Variants in DNAJC3 observed in about 807,000 individuals in gnomAD.
DNAJC3 encodes the protein dnaJ homolog subfamily C member 3.
DNAJC3 carries 38 observed loss-of-function variants against 68.6 expected under a neutral mutation model. That is an observed-to-expected ratio of 0.55 (90% CI 0.43 to 0.73). The LOEUF (loss-of-function observed/expected upper bound fraction) is 0.73. Among genes scored for constraint, DNAJC3 ranks in the 30% least tolerant of loss-of-function variants. DNAJC3 has a pLI of 0.00. For synonymous variants in DNAJC3, 203 were observed against 204.0 expected (o/e 1.00, Z 0.04); for missense variants, 526 against 591.9 (o/e 0.89, Z 1.16).
chr13:95,770,262 A>G (rs1037743917), intron 9 of DNAJC3, among the ~76,000 whole-genome samples: 1 of 152,132 alleles, frequency 6.6e-6, no homozygotes, highest in African/African-American at 2.4e-5. Flanking sequence ...TCTTTAAGAA[A>G]GGAAAAAAAA....
intron 2 of DNAJC3, among the ~76,000 whole-genome samples, chr13:95,710,473 C>T (rs1880920716): frequency 6.6e-6 from 1 of 152,086 alleles, no homozygotes; most frequent in African/African-American, 2.4e-5. Flanking sequence ...TCAAGCAGTC[C>T]TCCTGCCTTG....
intron 1 of DNAJC3, among the ~76,000 whole-genome samples, chr13:95,690,794 A>C (rs1181400754): frequency 7.8e-6 from 1 of 128,786 alleles, no homozygotes; most frequent in African/African-American, 3.2e-5. Context: ...CGGGGGGCTG[A>C]CCCCCCCACC....
chr13:95,789,924 T>G (rs9561958), intron 11 of DNAJC3, among the ~76,000 whole-genome samples: 2,280 of 152,248 alleles, frequency 0.015, 63 homozygotes, highest in African/African-American at 0.053. Flanking sequence ...CGCATATATG[T>G]CTTCTTTTGA....
At chr13:95,688,131 ATCCTGAAACTTTACTGAAGTT>A (rs1880118408) in intron 1 of DNAJC3, among the ~76,000 whole-genome samples, 2 of 152,190 alleles carry the variant, frequency 1.3e-5, no homozygotes, top group Admixed American at 1.3e-4. Flanking sequence ...TTAATTTTAT[ATCCTGAAACTTTACTGAAGTT>A]GCTTATCAGT....
chr13:95,757,857 A>C lies in DNAJC3; in HGVS notation c.546+61A>C. 7 of 1,442,326 alleles carry C rather than the reference A, an allele frequency of 4.9e-6. No homozygotes were observed. The South Asian group carries it at 1.1e-4, about 23-fold the overall frequency. The allele number at this position is 1,442,326 out of a possible 1,614,324, so 89.3% of individuals were successfully genotyped here. A position where few individuals can be genotyped will look rare whatever the true frequency, so the allele number is the denominator to read the frequency against. On this transcript the variant is annotated intron_variant, in intron 5 of 11. Transcript: ENST00000602402. ...CACTTATTGTAAGGCACATTTATAT[A>C]CTTCGACATGTCACATACCACAAAG...
At chr13:95,732,225 T>C (rs1049315767) in intron 4 of DNAJC3, among the ~76,000 whole-genome samples, 2 of 152,190 alleles carry the variant, frequency 1.3e-5, no homozygotes, top group African/African-American at 4.8e-5. Flanking sequence ...ACCACTTCAG[T>C]TTTTGTAATA....
intron 2 of DNAJC3, among the ~76,000 whole-genome samples, chr13:95,721,533 G>A (rs1412923993): frequency 2.0e-5 from 3 of 152,016 alleles, no homozygotes; most frequent in African/African-American, 4.8e-5. Context: ...CACCAACAGC[G>A]CACAGGTGTT....
intron 4 of DNAJC3, among the ~76,000 whole-genome samples, chr13:95,736,738 T>C (rs1174415521): frequency 6.8e-6 from 1 of 147,416 alleles, no homozygotes; most frequent in African/African-American, 2.5e-5. Flanking sequence ...AATGGGGTTT[T>C]CTAGATATAC....
At chr13:95,698,286 A>T (rs1461043195) in intron 1 of DNAJC3, among the ~76,000 whole-genome samples, 2 of 152,042 alleles carry the variant, frequency 1.3e-5, no homozygotes, top group African/African-American at 2.4e-5. Context: ...AAGCAGACAG[A>T]TGTGTACCTG....
chr13:95,789,310 C>A (rs1883695385), intron 11 of DNAJC3, among the ~76,000 whole-genome samples: 2 of 152,166 alleles, frequency 1.3e-5, no homozygotes, highest in African/African-American at 4.8e-5. Context: ...CCTCCTCCCA[C>A]CCTTCACCCT....
At chr13:95,677,443 GC>G (rs1279410962) in intron 1 of DNAJC3, 106 bp downstream of exon 1, 5 of 1,196,498 alleles carry the variant, frequency 4.2e-6, no homozygotes, top group Non-Finnish European at 5.6e-6. Flanking sequence ...GGGAGGTGGG[GC>G]GAGCGCTGGG....
intron 4 of DNAJC3, among the ~76,000 whole-genome samples, chr13:95,743,822 G>T (rs1882221882): frequency 6.6e-6 from 1 of 152,154 alleles, no homozygotes; most frequent in Non-Finnish European, 1.5e-5. Flanking sequence ...GCCTCCCAAA[G>T]TGCTGGGATT....
chr13:95,753,963 C>T (rs901800215), intron 4 of DNAJC3, among the ~76,000 whole-genome samples: 2 of 152,208 alleles, frequency 1.3e-5, no homozygotes, highest in African/African-American at 4.8e-5. Flanking sequence ...GAAATATTCA[C>T]AGCCCGGTCA....
Position 95,757,656 on chromosome 13 carries a change from C to A in DNAJC3, c.406C>A (p.Pro136Thr). 6.4e-7 allele frequency: 1 copy of A among 1,562,700 alleles called. No homozygotes were observed. The highest frequency in any genetic ancestry group is 8.8e-7 in the Non-Finnish European group (1 of 1,141,950). Residue 136 changes from proline to threonine, a missense_variant, in exon 5 of 12, where the codon CCA becomes ACA. Transcript: ENST00000602402. ...DDFKKVLKSN[P>T]SENEEKEAQS... ...ATTTTCCTTATAGCTCAAATCTAATCCAAGTGAAAATGAAGAAAAGGAAGC... is the reference window on the plus strand; with the variant it reads ...ATTTTCCTTATAGCTCAAATCTAATACAAGTGAAAATGAAGAAAAGGAAGC...
chr13:95,680,549 C>T (rs1214648404), intron 1 of DNAJC3, among the ~76,000 whole-genome samples: 1 of 152,196 alleles, frequency 6.6e-6, no homozygotes, highest in Non-Finnish European at 1.5e-5. Context: ...AAGGTGGTCA[C>T]ATATTTTCTA....
intron 9 of DNAJC3, among the ~76,000 whole-genome samples, chr13:95,779,419 C>T (rs1027346491): frequency 7.2e-5 from 11 of 152,202 alleles, no homozygotes; most frequent in South Asian, 4.2e-4. Context: ...CCATCGCGCC[C>T]GGCCTAATAT....
At chr13:95,752,448 A>G (rs773435348) in intron 4 of DNAJC3, among the ~76,000 whole-genome samples, 3 of 152,180 alleles carry the variant, frequency 2.0e-5, no homozygotes, top group Non-Finnish European at 2.9e-5. Context: ...ATCTGCTTCT[A>G]TATTCAATCT....
At chr13:95,690,654 G>A (rs1302508374) in intron 1 of DNAJC3, among the ~76,000 whole-genome samples, 10 of 142,118 alleles carry the variant, frequency 7.0e-5, no homozygotes, top group African/African-American at 1.9e-4. Flanking sequence ...GCGGCTGGCC[G>A]GGCGGGGGGC....
At chr13:95,729,197 CTCTCTT>C (rs1314778801) in intron 4 of DNAJC3, among the ~76,000 whole-genome samples, 1 of 150,244 alleles carries the variant, frequency 6.7e-6, no homozygotes, top group African/African-American at 2.5e-5. Context: ...CTCTCTCTCT[CTCTCTT>C]TCTCTCTCTC....
Sources: allele counts gnomAD v4.1 joint callset (sites outside exome capture counted in the v4.1 genomes callset), GRCh38; gene constraint gnomAD v4.1.1; transcripts MANE v1.5; gene names NCBI Gene and HGNC (gene_info 2026-07-23, HGNC 2026-07-21).